SNCAIP: variants seen among roughly 807,000 people sequenced by gnomAD.
SNCAIP encodes synphilin-1.
SNCAIP carries 43 observed loss-of-function variants against 86.7 expected under a neutral mutation model. That is an observed-to-expected ratio of 0.50 (90% confidence interval 0.39 to 0.64). SNCAIP has a LOEUF of 0.64. Ranked by LOEUF, SNCAIP falls within the 30% of genes least tolerant of loss-of-function variation. SNCAIP has a pLI of 0.00. For synonymous variants in SNCAIP, 417 were observed against 427.2 expected (o/e 0.98, Z 0.29); for missense variants, 981 against 1,103.1 (o/e 0.89, Z 1.57).
intron 8 of SNCAIP, 99 bp from the exon 9 acceptor site, chr5:122,449,746 T>C: frequency 2.3e-6 from 2 of 869,272 alleles, no homozygotes; most frequent in Non-Finnish European, 4.0e-6. Context: ...TTTGTATTTA[T>C]TGCAACTTAC....
At chr5:122,363,763 T>C (rs540020239) in intron 1 of SNCAIP, among the ~76,000 whole-genome samples, 1 of 151,522 alleles carries the variant, frequency 6.6e-6, no homozygotes, top group Admixed American at 6.6e-5. Flanking sequence ...TTAATGCATC[T>C]GAAAAAATAA....
intron 3 of SNCAIP, among the ~76,000 whole-genome samples, chr5:122,404,419 AC>A (rs1232615553): frequency 2.0e-5 from 3 of 152,162 alleles, no homozygotes; most frequent in Non-Finnish European, 1.5e-5. Flanking sequence ...CAGCTGGTCG[AC>A]CTTTTCTCTT....
At chr5:122,318,966 CTTTTTTTTTTTTTT>C (rs58667095) in intron 1 of SNCAIP, among the ~76,000 whole-genome samples, 1 of 130,654 alleles carries the variant, frequency 7.7e-6, no homozygotes. Context: ...CTGTTATCAT[CTTTTTTTTTTTTTT>C]TTTTTTTTAA....
chr5:122,332,507 A>G (rs1442649034), intron 1 of SNCAIP, among the ~76,000 whole-genome samples: 1 of 152,248 alleles, frequency 6.6e-6, no homozygotes, highest in African/African-American at 2.4e-5. Context: ...ACTTATTTCC[A>G]TGGACTTAGA....
At chr5:122,436,690 A>T (rs923055731) in intron 6 of SNCAIP, 2 of 152,184 alleles carry the variant, frequency 1.3e-5, no homozygotes, top group African/African-American at 4.8e-5. Flanking sequence ...ACTCCTTTTA[A>T]AACATGGATT....
chr5:122,342,734 C>G (rs868605157), intron 1 of SNCAIP, among the ~76,000 whole-genome samples: 1 of 152,176 alleles, frequency 6.6e-6, no homozygotes, highest in South Asian at 2.1e-4. Flanking sequence ...GCCCTGTGTC[C>G]CCTGCACCAG....
At chr5:122,368,745 T>A (rs1049558970) in intron 1 of SNCAIP, among the ~76,000 whole-genome samples, 2 of 152,176 alleles carry the variant, frequency 1.3e-5, no homozygotes, top group Non-Finnish European at 2.9e-5. Context: ...CATTAGTATA[T>A]CTAAAAGGCA....
rs767830984 is a variant in SNCAIP at position 122,450,565 on chromosome 5, A to G, written c.1718A>G (p.Gln573Arg). The G allele has an allele frequency of 1.9e-6, 3 of 1,614,044 alleles. No homozygotes were observed. Among genetic ancestry groups the G allele is most frequent in the Non-Finnish European group, 2.5e-6 (3 of 1,179,890 alleles). Residue 573 changes from glutamine to arginine, a missense_variant, in exon 10 of 11, where the codon CAG becomes CGG. Physicochemically the swap from Gln to Arg is conservative, Grantham distance 43. Coordinates refer to ENST00000261368, the MANE Select transcript of SNCAIP (RefSeq NM_005460.4). Reference protein sequence around the residue: ...SPSSPASRKSQWKSPDADDDS... With the variant: ...SPSSPASRKSRWKSPDADDDS... ...TCCTCACCTGCCTCCAGAAAGTCCC[A>G]GTGGAAATCTCCAGATGCAGATGAT...
chr5:122,386,659 A>G (rs1172041657), intron 1 of SNCAIP, among the ~76,000 whole-genome samples: 4 of 152,170 alleles, frequency 2.6e-5, no homozygotes, highest in South Asian at 2.1e-4. Flanking sequence ...TGCACAGCAT[A>G]TAGTTCTCAG....
chr5:122,415,171 C>T (rs1290833204), intron 3 of SNCAIP, among the ~76,000 whole-genome samples: 1 of 152,192 alleles, frequency 6.6e-6, no homozygotes, highest in African/African-American at 2.4e-5. Flanking sequence ...AGCCACTTTC[C>T]GCTGTTCCTC....
chr5:122,398,619 T>G (rs1049765421), intron 2 of SNCAIP, among the ~76,000 whole-genome samples: 1 of 152,132 alleles, frequency 6.6e-6, no homozygotes, highest in Non-Finnish European at 1.5e-5. Context: ...TCACCATGGT[T>G]GTTTGGATGG....
chr5:122,441,644 C>G (rs986136763), intron 7 of SNCAIP, among the ~76,000 whole-genome samples: 8 of 152,154 alleles, frequency 5.3e-5, no homozygotes, highest in Admixed American at 5.2e-4. Context: ...CCAAGTAGTG[C>G]ATGGCAGGAA....
At chr5:122,447,844 A>G (rs970243693) in intron 8 of SNCAIP, among the ~76,000 whole-genome samples, 1 of 152,248 alleles carries the variant, frequency 6.6e-6, no homozygotes, top group Admixed American at 6.5e-5. Context: ...AAGTTGGGAT[A>G]CAATTGTATG....
intron 2 of SNCAIP, among the ~76,000 whole-genome samples, chr5:122,397,051 A>G (rs1394457976): frequency 2.0e-5 from 3 of 152,172 alleles, no homozygotes; most frequent in African/African-American, 7.2e-5. Context: ...TTATATTACT[A>G]GTTCATAATC....
intron 10 of SNCAIP, chr5:122,452,815 C>T (rs1783975247): frequency 1.4e-6 from 1 of 704,296 alleles, no homozygotes; most frequent in Non-Finnish European, 2.5e-6. Flanking sequence ...CATACTAAGC[C>T]ACTGTCCTCT....
At chr5:122,337,740 A>G (rs1342003673) in intron 1 of SNCAIP, among the ~76,000 whole-genome samples, 1 of 152,166 alleles carries the variant, frequency 6.6e-6, no homozygotes, top group Non-Finnish European at 1.5e-5. Flanking sequence ...GGGCTTCGCC[A>G]TGTTGGCCAG....
intron 1 of SNCAIP, among the ~76,000 whole-genome samples, chr5:122,382,680 A>G (rs1361014204): frequency 4.6e-5 from 7 of 151,810 alleles, no homozygotes; most frequent in African/African-American, 1.5e-4. Flanking sequence ...GGTTTTATCT[A>G]CTTTTGGTCT....
chr5:122,389,841 A>G (rs1390973555), intron 1 of SNCAIP: 2 of 152,176 alleles, frequency 1.3e-5, no homozygotes, highest in Admixed American at 6.5e-5. Context: ...GAGAGGAAAC[A>G]GGAAAATTAA....
rs35820258 is a variant in SNCAIP at position 122,334,275 on chromosome 5, G to GA, written c.-47+22004dup. On this transcript the variant is annotated intron_variant, in intron 1 of 10. Transcript: ENST00000261368. Reference sequence around the variant, plus strand: ...TTCACATCTCTACCATACAGATAAAGAAAAAAAAAAAAATGAAGCAAGTTT... The same window carrying GA: ...TTCACATCTCTACCATACAGATAAAGAAAAAAAAAAAAAATGAAGCAAGTTT... 1.7e-3 allele frequency among the ~76,000 whole-genome samples: 238 copies of GA among 141,934 alleles called. 3 individuals carry two copies. Among genetic ancestry groups the GA allele is most frequent in the East Asian group, 1.6e-3 (8 of 4,898 alleles). 93.1% of individuals were successfully genotyped at this position (141,934 alleles called of 152,430 possible).
Sources: allele counts gnomAD v4.1 joint callset (sites outside exome capture counted in the v4.1 genomes callset), GRCh38; gene constraint gnomAD v4.1.1; transcripts MANE v1.5; gene names NCBI Gene and HGNC (gene_info 2026-07-23, HGNC 2026-07-21).